Variants in FAM168A observed in about 807,000 individuals in gnomAD.
The protein encoded by FAM168A is family with sequence similarity 168 member A.
In FAM168A, 3 loss-of-function variants were observed where a neutral mutation model predicts 28.5. The ratio of observed to expected loss-of-function variants is 0.11; its 90% CI spans 0.05 to 0.27. FAM168A has a LOEUF of 0.27. FAM168A is among the 10% of genes least tolerant of loss of function. The probability of loss-of-function intolerance (pLI) is 1.00; values close to 1 mark genes in which losing one functional copy is unlikely to be tolerated. For missense variants in FAM168A, 222 were observed against 311.5 expected, an observed-to-expected ratio of 0.71 and a Z score of 2.16; for synonymous variants, 122 against 124.2, an observed-to-expected ratio of 0.98 and a Z score of 0.12.
chr11:73,541,377 T>C (rs887938026), intron 1 of FAM168A, among the ~76,000 whole-genome samples: 24 of 151,786 alleles, frequency 1.6e-4, no homozygotes, highest in Non-Finnish European at 1.8e-4. Flanking sequence ...AACTTCTTTT[T>C]TTTTTTTTTC....
chr11:73,479,877 T>C (rs536837285), intron 1 of FAM168A, among the ~76,000 whole-genome samples: 1 of 152,324 alleles, frequency 6.6e-6, no homozygotes, highest in South Asian at 2.1e-4. Context: ...TTTACTGGAA[T>C]TCAACAGCTT....
At chr11:73,455,956 TC>T (rs1296923305) in intron 2 of FAM168A, among the ~76,000 whole-genome samples, 1 of 152,194 alleles carries the variant, frequency 6.6e-6, no homozygotes, top group African/African-American at 2.4e-5. Flanking sequence ...TTCTAGGCTC[TC>T]CCTTCATTCA....
intron 1 of FAM168A, among the ~76,000 whole-genome samples, chr11:73,583,831 T>C (rs1944277419): frequency 6.6e-6 from 1 of 151,958 alleles, no homozygotes; most frequent in Admixed American, 6.5e-5. Context: ...GGTGAAGAAG[T>C]TGGGGAGAGG....
At chr11:73,468,903 T>G (rs1213630918) in intron 1 of FAM168A, among the ~76,000 whole-genome samples, 1 of 152,180 alleles carries the variant, frequency 6.6e-6, no homozygotes, top group African/African-American at 2.4e-5. Context: ...GTTGTTAGTC[T>G]AAGAGTTGGA....
chr11:73,597,531 T>G (rs1944450975), intron 1 of FAM168A, among the ~76,000 whole-genome samples: 1 of 151,832 alleles, frequency 6.6e-6, no homozygotes, highest in African/African-American at 2.4e-5. Flanking sequence ...AGCTGTCAAC[T>G]GCTCCAGGCC....
chr11:73,538,309 T>C (rs1943607484), intron 1 of FAM168A, among the ~76,000 whole-genome samples: 1 of 149,408 alleles, frequency 6.7e-6, no homozygotes, highest in Non-Finnish European at 1.5e-5. Flanking sequence ...ATTAAAAACT[T>C]GGACAATGGA....
chr11:73,448,681 T>C (rs1867368882), intron 2 of FAM168A, among the ~76,000 whole-genome samples: 1 of 152,194 alleles, frequency 6.6e-6, no homozygotes, highest in Non-Finnish European at 1.5e-5. Context: ...TTTGGGTCTT[T>C]GCTTTCCTAG....
intron 1 of FAM168A, among the ~76,000 whole-genome samples, chr11:73,578,795 G>C (rs1344687702): frequency 6.6e-6 from 1 of 152,172 alleles, no homozygotes; most frequent in Non-Finnish European, 1.5e-5. Context: ...ACACAAACCT[G>C]GATTGAATCC....
chr11:73,457,335 A>G (rs1290523343), intron 2 of FAM168A, among the ~76,000 whole-genome samples: 1 of 151,522 alleles, frequency 6.6e-6, no homozygotes, highest in Non-Finnish European at 1.5e-5. Context: ...GGCTGTAGTG[A>G]GCTATGATCG....
intron 1 of FAM168A, among the ~76,000 whole-genome samples, chr11:73,506,698 A>G (rs1855124225): frequency 6.6e-6 from 1 of 152,196 alleles, no homozygotes; most frequent in Non-Finnish European, 1.5e-5. Flanking sequence ...TACTATGTTA[A>G]TATGATAATG....
chr11:73,438,491 AACAGTTAAGT>A (rs1308339643), intron 2 of FAM168A, among the ~76,000 whole-genome samples: 1 of 152,200 alleles, frequency 6.6e-6, no homozygotes. Context: ...GGAAATGGCA[AACAGTTAAGT>A]ACAGTTGGAA....
chr11:73,559,622 G>A (rs796483812), intron 1 of FAM168A, among the ~76,000 whole-genome samples: 5 of 152,298 alleles, frequency 3.3e-5, no homozygotes, highest in African/African-American at 1.2e-4. Flanking sequence ...GTTGCCGCCA[G>A]GGGCTAGGAG....
At chr11:73,552,606 A>G (rs1200913069) in intron 1 of FAM168A, among the ~76,000 whole-genome samples, 1 of 152,168 alleles carries the variant, frequency 6.6e-6, no homozygotes, top group Non-Finnish European at 1.5e-5. Flanking sequence ...TCTAGTACTT[A>G]GCATAAAACC....
intron 2 of FAM168A, among the ~76,000 whole-genome samples, chr11:73,454,091 G>T (rs1237032501): frequency 6.6e-6 from 1 of 152,178 alleles, no homozygotes; most frequent in Admixed American, 6.5e-5. Flanking sequence ...GTCACTGTAG[G>T]AGAGGGCGCT....
At position 73,402,627 on chromosome 11, in the gene FAM168A, G is replaced by T. The variant is rs1352610953; in HGVS notation, c.*4136C>A. 1 of 152,238 alleles carries T rather than the reference G, an allele frequency of 6.6e-6. No homozygotes were observed. The highest frequency in any genetic ancestry group is 2.4e-5 in the African/African-American group (1 of 41,446). 9.4% of individuals were successfully genotyped at this position (152,238 alleles called of 1,614,324 possible). Reference sequence around the variant, plus strand: ...TCTGTACGTTTTGTACCAACTCACTGGATCTGGACAGTGGGCAGGCTCTCA... The same window carrying T: ...TCTGTACGTTTTGTACCAACTCACTTGATCTGGACAGTGGGCAGGCTCTCA... On this transcript the variant is annotated 3_prime_UTR_variant, in exon 8 of 8. Transcript: ENST00000356467.
intron 1 of FAM168A, among the ~76,000 whole-genome samples, chr11:73,582,303 C>T (rs1158671106): frequency 1.3e-5 from 2 of 151,760 alleles, no homozygotes; most frequent in Non-Finnish European, 2.9e-5. Flanking sequence ...GGGTGGATCA[C>T]GAGGTCAGGA....
intron 2 of FAM168A, among the ~76,000 whole-genome samples, 198 bp downstream of exon 2, chr11:73,468,207 A>G (rs1273792174): frequency 6.6e-6 from 1 of 152,250 alleles, no homozygotes; most frequent in Non-Finnish European, 1.5e-5. Context: ...CTCTCCTGGT[A>G]TTATTGTAGA....
chr11:73,565,311 T>C (rs1332718254), intron 1 of FAM168A, among the ~76,000 whole-genome samples: 1 of 152,152 alleles, frequency 6.6e-6, no homozygotes. Context: ...CGGCTGACAG[T>C]TCAAACAGAA....
rs1222834049 is a variant in FAM168A at position 73,587,147 on chromosome 11, CATGTTAAAAAAAAA to C, written c.-19+10762_-19+10775del. Among the ~76,000 whole-genome samples the C allele has an allele frequency of 1.3e-4, 12 of 93,572 alleles. No individual in the cohort carries two copies. The Admixed American group carries it at 1.6e-3, about 13-fold the overall frequency. 61.4% of individuals were successfully genotyped at this position (93,572 alleles called of 152,430 possible). A position where few individuals can be genotyped will look rare whatever the true frequency, so the allele number is the denominator to read the frequency against. ...ATAGTGTCATTGCATTCTTCATGGA[CATGTTAAAAAAAAA>C]AAAAAAAAAAAAAAAAACTAAGTTT... On this transcript the variant is annotated intron_variant, in intron 1 of 7. Transcript: ENST00000356467.
Sources: gnomAD v4.1 joint callset for allele counts (sites outside exome capture counted in the v4.1 genomes callset) on GRCh38, gnomAD v4.1.1 for gene constraint, MANE v1.5 for transcripts, NCBI Gene and HGNC (gene_info 2026-07-23, HGNC 2026-07-21) for gene names.